The following CLNK variants were observed in gnomAD, a reference collection of about 807,000 sequenced individuals.
CLNK encodes the protein cytokine-dependent hematopoietic cell linker.
In CLNK, 74 loss-of-function variants were observed where a neutral mutation model predicts 68.6. The ratio of observed to expected loss-of-function variants is 1.08; its 90% CI spans 0.89 to 1.31. The LOEUF (loss-of-function observed/expected upper bound fraction) is 1.31, where lower values mean the gene tolerates loss of function less well. CLNK is among the 50% of genes most tolerant of loss of function. The pLI is 0.00. For missense variants in CLNK, 553 were observed against 515.3 expected (o/e 1.07, Z -0.71); for synonymous variants, 198 against 172.2 (o/e 1.15, Z -1.17).
the CLNK span, among the ~76,000 whole-genome samples, chr4:10,699,703 A>C: frequency 6.6e-6 from 1 of 150,762 alleles, no homozygotes; most frequent in Non-Finnish European, 1.5e-5. Context: ...TAGTAGAGAT[A>C]GGGTTTCACC....
intron 11 of CLNK, among the ~76,000 whole-genome samples, chr4:10,537,710 T>C (rs13144207): frequency 0.021 from 1,054 of 49,064 alleles, 14 homozygotes; most frequent in East Asian, 0.098. Flanking sequence ...TTCCTTCCTT[T>C]CTTTCTTTCT....
intron 8 of CLNK, among the ~76,000 whole-genome samples, chr4:10,552,475 A>G (rs1166648913): frequency 2.6e-5 from 4 of 151,762 alleles, no homozygotes; most frequent in Admixed American, 2.0e-4. Context: ...GCCTTTGGAG[A>G]TATCTTTCCC....
intron 2 of CLNK, among the ~76,000 whole-genome samples, chr4:10,637,149 A>G (rs995658684): frequency 2.0e-5 from 3 of 152,210 alleles, no homozygotes; most frequent in Non-Finnish European, 4.4e-5. Context: ...CATCAAAGAC[A>G]TTTATTGCTT....
chr4:10,571,661 T>C, intron 5 of CLNK, 80 bp downstream of exon 5: 1 of 1,150,890 alleles, frequency 8.7e-7, no homozygotes, highest in Non-Finnish European at 1.3e-6. Context: ...TTAAACATTT[T>C]ACCCAGTATC....
chr4:10,682,676 T>G (rs551792365), intron 1 of CLNK, among the ~76,000 whole-genome samples: 6 of 152,234 alleles, frequency 3.9e-5, no homozygotes, highest in South Asian at 2.1e-4. Context: ...TGTCCATTTT[T>G]GACAATCTCA....
intron 5 of CLNK, 32 bp downstream of exon 5, chr4:10,571,707 CGT>C (rs1553852208): frequency 6.4e-7 from 1 of 1,554,736 alleles, no homozygotes; most frequent in Non-Finnish European, 8.9e-7. Context: ...ATATTAAAGA[CGT>C]ATAAAATAGA....
At chr4:10,521,636 T>G (rs1022058774) in intron 14 of CLNK, among the ~76,000 whole-genome samples, 1 of 152,226 alleles carries the variant, frequency 6.6e-6, no homozygotes, top group African/African-American at 2.4e-5. Context: ...GTTTATGTTG[T>G]CACCATAAAA....
At chr4:10,679,993 T>C (rs1725031031) in intron 1 of CLNK, among the ~76,000 whole-genome samples, 1 of 152,102 alleles carries the variant, frequency 6.6e-6, no homozygotes, top group Non-Finnish European at 1.5e-5. Flanking sequence ...GAAATACCAT[T>C]TGACCCAGCC....
chr4:10,712,311 G>T, the CLNK span, among the ~76,000 whole-genome samples: 9 of 152,108 alleles, frequency 5.9e-5, no homozygotes, highest in African/African-American at 1.7e-4. Flanking sequence ...TATGGATCAG[G>T]GGTGGGGTGG....
At chr4:10,550,127 C>G (rs987610196) in intron 8 of CLNK, among the ~76,000 whole-genome samples, 1 of 152,226 alleles carries the variant, frequency 6.6e-6, no homozygotes. Context: ...GTGGCTGCTG[C>G]CAGCTTGCAA....
intron 17 of CLNK, among the ~76,000 whole-genome samples, chr4:10,505,221 C>A (rs1717242458): frequency 6.6e-6 from 1 of 152,176 alleles, no homozygotes; most frequent in Non-Finnish European, 1.5e-5. Context: ...TAGGAAGGTC[C>A]TCAAGGAGCT....
At position 10,650,538 on chromosome 4, in the gene CLNK, T is replaced by G. The variant is rs1434358526; in HGVS notation, c.11+17321A>C. Among the ~76,000 whole-genome samples the G allele has an allele frequency of 3.9e-5, 6 of 152,128 alleles. No homozygotes were observed. The East Asian group carries it at 1.2e-3, about 29-fold the overall frequency. On this transcript the variant is annotated intron_variant, in intron 2 of 18. Transcript: ENST00000226951. Reference sequence around the variant, plus strand: ...TAAATATTGCCTTCAAAAGCTTTTATTTTTCATTAATACCTGTTGTTTGCC... The same window carrying G: ...TAAATATTGCCTTCAAAAGCTTTTAGTTTTCATTAATACCTGTTGTTTGCC...
At chr4:10,571,307 G>T (rs1047499003) in intron 5 of CLNK, among the ~76,000 whole-genome samples, 11 of 117,178 alleles carry the variant, frequency 9.4e-5, no homozygotes, top group Non-Finnish European at 1.3e-4. Context: ...AGTATTTTTT[G>T]TTGTTGTTGT....
chr4:10,517,895 G>A (rs1717901234), intron 15 of CLNK, among the ~76,000 whole-genome samples: 1 of 152,168 alleles, frequency 6.6e-6, no homozygotes, highest in South Asian at 2.1e-4. Flanking sequence ...TTCCCTGAAA[G>A]CCTGGTTGTA....
the CLNK span, among the ~76,000 whole-genome samples, chr4:10,699,466 G>GTCTCTCTCTCTCTCTCTC: frequency 3.3e-4 from 20 of 60,580 alleles, no homozygotes; most frequent in East Asian, 4.7e-4. Flanking sequence ...CATCCTCTCT[G>GTCTCTCTCTCTCTCTCTC]TCTCTCTCTC....
At chr4:10,719,526 G>A in the CLNK span, among the ~76,000 whole-genome samples, 2 of 152,026 alleles carry the variant, frequency 1.3e-5, no homozygotes, top group African/African-American at 4.8e-5. Flanking sequence ...TCCTAAATGT[G>A]TGTGCATACA....
intron 3 of CLNK, among the ~76,000 whole-genome samples, chr4:10,593,702 G>C (rs1040320077): frequency 6.6e-6 from 1 of 152,086 alleles, no homozygotes; most frequent in Admixed American, 6.6e-5. Flanking sequence ...GAGGACTCCC[G>C]TCTCCAAAGG....
intron 2 of CLNK, among the ~76,000 whole-genome samples, chr4:10,653,372 C>T (rs1560263805): frequency 7.6e-6 from 1 of 132,340 alleles, no homozygotes; most frequent in East Asian, 2.3e-4. Context: ...AAAAAAAGAA[C>T]GTAAAATAAA....
chr4:10,512,975 C>A (rs1027673389), intron 16 of CLNK, among the ~76,000 whole-genome samples: 3 of 152,050 alleles, frequency 2.0e-5, no homozygotes, highest in Admixed American at 6.5e-5. Context: ...TTTGCATCTC[C>A]CCACTCTTTA....
Sources: gnomAD v4.1 joint callset for allele counts (sites outside exome capture counted in the v4.1 genomes callset) on GRCh38, gnomAD v4.1.1 for gene constraint, MANE v1.5 for transcripts, NCBI Gene and HGNC (gene_info 2026-07-23, HGNC 2026-07-21) for gene names.